The following UNC5D variants were observed in gnomAD, a reference collection of about 807,000 sequenced individuals.
UNC5D encodes netrin receptor UNC5D.
In UNC5D, 39 loss-of-function variants were observed where a neutral mutation model predicts 105.4. The ratio of observed to expected loss-of-function variants is 0.37; its 90% confidence interval spans 0.29 to 0.48. The LOEUF is 0.48. Ranked by LOEUF, UNC5D falls within the 20% of genes least tolerant of loss-of-function variation. UNC5D has a pLI of 0.98. For missense variants in UNC5D, 991 were observed against 1,202.4 expected (o/e 0.82, Z 2.60); for synonymous variants, 452 against 450.4 (o/e 1.00, Z -0.04).
rs183785246 is a variant in UNC5D, at chr8:35,611,885, C to T, written c.570+16228C>T. On this transcript the variant is annotated intron_variant, in intron 4 of 16. Transcript: ENST00000404895. The stretch of plus-strand genomic sequence containing the variant: ...TTAGAAATTATGTCCAATGAAAATC[C>T]GACATTTTAATGGTTTTCCACAGAT... Among the ~76,000 whole-genome samples the T allele has an allele frequency of 5.5e-4, 84 of 152,154 alleles. 1 individual carries two copies. The highest frequency in any genetic ancestry group is 3.7e-3 in the South Asian group (18 of 4,816).
chr8:35,408,395 T>C (rs1311489736), intron 1 of UNC5D, among the ~76,000 whole-genome samples: 1 of 151,422 alleles, frequency 6.6e-6, no homozygotes, highest in East Asian at 1.9e-4. Flanking sequence ...ACAATGATAG[T>C]CTTAACGCAC....
At chr8:35,424,199 T>C (rs1806098818) in intron 1 of UNC5D, among the ~76,000 whole-genome samples, 2 of 152,170 alleles carry the variant, frequency 1.3e-5, no homozygotes, top group South Asian at 4.1e-4. Flanking sequence ...AGAAAGTCTA[T>C]AGAAAGGCAA....
At position 35,574,357 on chromosome 8, in the gene UNC5D, A is replaced by C. The variant is rs1261182715; in HGVS notation, c.466+6116A>C. Among the ~76,000 whole-genome samples, 4 of 152,100 alleles carry C rather than the reference A, an allele frequency of 2.6e-5. No individual in the cohort carries two copies. In the East Asian group the frequency reaches 7.7e-4, roughly 29 times the overall value. ...CACTTGAAAGAAAACACAGCAGAAAACCACTATTTTGTTTGTTTGTTTTTT... is the reference window on the plus strand; with the variant it reads ...CACTTGAAAGAAAACACAGCAGAAACCCACTATTTTGTTTGTTTGTTTTTT... On this transcript the variant is annotated intron_variant, in intron 3 of 16. Coordinates refer to ENST00000404895, the MANE Select transcript of UNC5D (RefSeq NM_080872.4).
intron 1 of UNC5D, among the ~76,000 whole-genome samples, chr8:35,477,790 TA>T (rs1040755465): frequency 4.0e-5 from 6 of 151,726 alleles, no homozygotes; most frequent in Admixed American, 6.6e-5. Flanking sequence ...GCGCAACTTA[TA>T]AAAAAAATAT....
At chr8:35,497,728 AT>A (rs1811695532) in intron 1 of UNC5D, among the ~76,000 whole-genome samples, 1 of 151,874 alleles carries the variant, frequency 6.6e-6, no homozygotes, top group South Asian at 2.1e-4. Flanking sequence ...TAATGGTTGT[AT>A]AAAGGATAAA....
rs139348289 is a variant in UNC5D at position 35,460,324 on chromosome 8, A to G, written c.104-88968A>G. Among the ~76,000 whole-genome samples the G allele has an allele frequency of 1.1e-3, 160 of 152,260 alleles. 1 individual carries two copies. Among genetic ancestry groups the G allele is most frequent in the African/African-American group, 3.8e-3 (156 of 41,550 alleles). ...ATCTCCCCAGGGAGGCTTTCTTGACAGCTTGAGAGACAGCAGAGTGGAGCC... is the reference window on the plus strand; with the variant it reads ...ATCTCCCCAGGGAGGCTTTCTTGACGGCTTGAGAGACAGCAGAGTGGAGCC... On this transcript the variant is annotated intron_variant, in intron 1 of 16. Coordinates refer to ENST00000404895, the MANE Select transcript of UNC5D (RefSeq NM_080872.4).
chr8:35,621,058 C>T (rs924701792), intron 4 of UNC5D, among the ~76,000 whole-genome samples: 1 of 152,194 alleles, frequency 6.6e-6, no homozygotes, highest in Non-Finnish European at 1.5e-5. Flanking sequence ...GTAGACCCTA[C>T]TTTCCCCCAC....
intron 1 of UNC5D, among the ~76,000 whole-genome samples, chr8:35,476,071 C>T (rs1425590088): frequency 1.3e-5 from 2 of 152,202 alleles, no homozygotes; most frequent in African/African-American, 4.8e-5. Context: ...TTAACAACAT[C>T]TCTCGCTCTG....
In UNC5D at chr8:35,545,511, T is replaced by C. The variant is rs879262092; in HGVS notation, c.104-3781T>C. ...TGCTGAGGGGATTAAGCCCTTTTGCTGGAGGGCAGCCACCTACTGGGCAGG... is the reference window on the plus strand; with the variant it reads ...TGCTGAGGGGATTAAGCCCTTTTGCCGGAGGGCAGCCACCTACTGGGCAGG... On this transcript the variant is annotated intron_variant, in intron 1 of 16. Transcript: ENST00000404895. Among the ~76,000 whole-genome samples the C allele has an allele frequency of 5.3e-4, 80 of 152,214 alleles. 1 individual carries two copies. The highest frequency in any genetic ancestry group is 4.7e-3 in the Admixed American group (72 of 15,300).
chr8:35,463,768 G>T (rs2129701353), intron 1 of UNC5D, among the ~76,000 whole-genome samples: 1 of 150,608 alleles, frequency 6.6e-6, no homozygotes, highest in South Asian at 2.1e-4. Flanking sequence ...TCCAGCCTGG[G>T]CAACAGAGCA....
rs150432946 is a variant in UNC5D at position 35,682,026 on chromosome 8, G to A, written c.571-1521G>A. ...GTCGCCCAGGCTGGAGTGCAGTGGC[G>A]CGATCTCAGCTCACTGTAACCTCTG... On this transcript the variant is annotated intron_variant, in intron 4 of 16. Transcript: ENST00000404895. Among the ~76,000 whole-genome samples, 1,057 of 152,260 alleles carry A rather than the reference G, an allele frequency of 6.9e-3. 11 individuals carry two copies. Among genetic ancestry groups the A allele is most frequent in the African/African-American group, 0.024 (1,003 of 41,546 alleles).
At chr8:35,398,650 C>G (rs904575242) in intron 1 of UNC5D, among the ~76,000 whole-genome samples, 3 of 151,850 alleles carry the variant, frequency 2.0e-5, no homozygotes, top group Non-Finnish European at 4.4e-5. Flanking sequence ...TTTCAGGTGT[C>G]TTTACTGAAT....
chr8:35,449,324 C>A (rs372279053), intron 1 of UNC5D, among the ~76,000 whole-genome samples: 3 of 152,088 alleles, frequency 2.0e-5, no homozygotes, highest in Non-Finnish European at 4.4e-5. Flanking sequence ...CACCATGAGA[C>A]CTTTCCCGTG....
At chr8:35,378,322 G>T (rs563166152) in intron 1 of UNC5D, among the ~76,000 whole-genome samples, 7 of 152,242 alleles carry the variant, frequency 4.6e-5, no homozygotes, top group East Asian at 1.9e-4. Context: ...CCCCCTAGTT[G>T]TCTTGCCGTA....
At chr8:35,536,772 C>T (rs1157995165) in intron 1 of UNC5D, among the ~76,000 whole-genome samples, 2 of 152,014 alleles carry the variant, frequency 1.3e-5, no homozygotes, top group Non-Finnish European at 2.9e-5. Flanking sequence ...CTGAGGTGGG[C>T]TGATCATGCA....
chr8:35,491,134 G>A (rs560163927), intron 1 of UNC5D, among the ~76,000 whole-genome samples: 1 of 151,978 alleles, frequency 6.6e-6, no homozygotes, highest in East Asian at 1.9e-4. Context: ...TTATTTGCTT[G>A]TTTATATTCA....
chr8:35,782,632 T>C (rs760064851), intron 16 of UNC5D, among the ~76,000 whole-genome samples: 6 of 151,790 alleles, frequency 4.0e-5, no homozygotes, highest in African/African-American at 1.5e-4. Context: ...GCCTCCCAAG[T>C]AGCTGGGATT....
In UNC5D at chr8:35,750,575, C is replaced by T; in HGVS notation, c.1936-7C>T. ...AAGTGAGAGAATAAACATACCTTTC[C>T]CAACAGGAAGTGATGTCAGTGGAAG... On this transcript the variant is annotated splice_polypyrimidine_tract_variant and splice_region_variant and intron_variant, in intron 12 of 16. Transcript: ENST00000404895. 1 of 1,613,746 alleles carries T rather than the reference C, an allele frequency of 6.2e-7. No individual in the cohort carries two copies. Among genetic ancestry groups the T allele is most frequent in the Non-Finnish European group, 8.5e-7 (1 of 1,179,630 alleles).
intron 4 of UNC5D, among the ~76,000 whole-genome samples, chr8:35,613,076 G>A (rs528062103): frequency 3.3e-5 from 5 of 152,194 alleles, no homozygotes; most frequent in Admixed American, 2.0e-4. Flanking sequence ...TCTCATGGTT[G>A]TGAGCTCTGT....
Sources: gnomAD v4.1 joint callset for allele counts (sites outside exome capture counted in the v4.1 genomes callset) on GRCh38, gnomAD v4.1.1 for gene constraint, MANE v1.5 for transcripts, NCBI Gene and HGNC (gene_info 2026-07-23, HGNC 2026-07-21) for gene names.